CALD1: variants seen among roughly 807,000 people sequenced by gnomAD.
CALD1 encodes the protein caldesmon.
Under a neutral mutation model 99.9 loss-of-function variants are expected in CALD1, and 33 were observed. The ratio of observed to expected loss-of-function variants is 0.33; its 90% confidence interval spans 0.25 to 0.44. CALD1 has a LOEUF of 0.44. Among genes scored for constraint, CALD1 ranks in the 20% least tolerant of loss-of-function variants. CALD1 has a pLI of 1.00. For synonymous variants in CALD1, 310 were observed against 325.0 expected (o/e 0.95, Z 0.50); for missense variants, 861 against 962.1 (o/e 0.89, Z 1.39).
intron 1 of CALD1, among the ~76,000 whole-genome samples, chr7:134,784,251 G>C (rs1416246209): frequency 6.6e-6 from 1 of 152,158 alleles, no homozygotes; most frequent in African/African-American, 2.4e-5. Context: ...ATCTCACTTG[G>C]AGAGAAACAT....
intron 7 of CALD1, among the ~76,000 whole-genome samples, chr7:134,946,495 C>T (rs1806880141): frequency 6.6e-6 from 1 of 152,186 alleles, no homozygotes; most frequent in Non-Finnish European, 1.5e-5. Context: ...CTACCGCCCA[C>T]CCTCTGCCTC....
chr7:134,849,672 T>A lies in CALD1; in HGVS notation c.-42+5701T>A, dbSNP rs554164703. ...AATCTATGGATGCAGAACCCATGGA[T>A]ATGGAGAGCTGATAGTAATTGAATT... On this transcript the variant is annotated intron_variant, in intron 2 of 14. Coordinates refer to ENST00000361675, the MANE Select transcript of CALD1 (RefSeq NM_033138.4). Among the ~76,000 whole-genome samples, 13 of 152,268 alleles carry A rather than the reference T, an allele frequency of 8.5e-5. No homozygotes were observed. In the South Asian group the frequency reaches 1.7e-3, roughly 19 times the overall value.
intron 3 of CALD1, among the ~76,000 whole-genome samples, chr7:134,924,365 G>T (rs967384454): frequency 6.6e-6 from 1 of 152,010 alleles, no homozygotes; most frequent in Admixed American, 6.5e-5. Context: ...ACAATTCAGG[G>T]TACTTTTTTT....
At chr7:134,767,314 C>G (rs1256939601) in intron 1 of CALD1, among the ~76,000 whole-genome samples, 2 of 151,926 alleles carry the variant, frequency 1.3e-5, no homozygotes, top group East Asian at 1.9e-4. Flanking sequence ...GTCCAAACAG[C>G]CATTTCTCCC....
At chr7:134,904,218 G>A (rs754147143) in intron 3 of CALD1, among the ~76,000 whole-genome samples, 9 of 151,864 alleles carry the variant, frequency 5.9e-5, no homozygotes, top group South Asian at 2.1e-4. Context: ...GCAAGACACC[G>A]TCTCAAAATA....
Position 134,898,073 on chromosome 7 carries a change from C to T in CALD1, c.71+30269C>T, listed in dbSNP as rs574727185. Among the ~76,000 whole-genome samples, 14 of 151,938 alleles carry T rather than the reference C, an allele frequency of 9.2e-5. No individual in the cohort carries two copies. The South Asian group carries it at 1.0e-3, about 11-fold the overall frequency. ...CCGAGAAGCTGGGATTACAGGCGCC[C>T]GCCACCATGCCTGGCTAGCCTGGGG... On this transcript the variant is annotated intron_variant, in intron 3 of 14. Coordinates refer to ENST00000361675, the MANE Select transcript of CALD1 (RefSeq NM_033138.4).
intron 1 of CALD1, among the ~76,000 whole-genome samples, chr7:134,787,032 C>G (rs1207813960): frequency 5.3e-5 from 8 of 152,184 alleles, no homozygotes; most frequent in Non-Finnish European, 1.0e-4. Flanking sequence ...GGCTCAGAAA[C>G]AGTTCTGTGC....
intron 3 of CALD1, among the ~76,000 whole-genome samples, chr7:134,928,321 C>T (rs542843616): frequency 2.0e-5 from 3 of 149,464 alleles, no homozygotes; most frequent in African/African-American, 7.4e-5. Flanking sequence ...CCCAGCTGCT[C>T]GGGAGGCTGA....
At chr7:134,940,729 T>G (rs1223635580) in intron 6 of CALD1, among the ~76,000 whole-genome samples, 3 of 152,238 alleles carry the variant, frequency 2.0e-5, no homozygotes, top group African/African-American at 7.2e-5. Flanking sequence ...CATTCTTCCA[T>G]CAAAGCCATC....
intron 8 of CALD1, chr7:134,948,182 C>A: frequency 6.5e-6 from 1 of 154,404 alleles, no homozygotes; most frequent in Non-Finnish European, 1.4e-5. Flanking sequence ...TTATGGTTTT[C>A]TAATAGTTGG....
At chr7:134,724,391 A>T in the CALD1 span, among the ~76,000 whole-genome samples, 96,487 of 151,974 alleles carry the variant, frequency 0.63, 31,088 homozygotes, top group East Asian at 0.89. Context: ...GAAAGGCATC[A>T]CTGAGGGGAG....
rs1170084945 is a variant in CALD1 at position 134,828,813 on chromosome 7, G to C, written c.-129-15071G>C. Among the ~76,000 whole-genome samples the C allele has an allele frequency of 3.3e-5, 5 of 152,272 alleles. No individual in the cohort carries two copies. The East Asian group carries it at 9.6e-4, about 29-fold the overall frequency. On this transcript the variant is annotated intron_variant, in intron 1 of 14. Coordinates refer to ENST00000361675, the MANE Select transcript of CALD1 (RefSeq NM_033138.4). Reference sequence around the variant, plus strand: ...TTTTAGGTCTGCCCCTGGTTGCTCTGATACAGTTATCTGCTTTTCATTTAG... The same window carrying C: ...TTTTAGGTCTGCCCCTGGTTGCTCTCATACAGTTATCTGCTTTTCATTTAG...
chr7:134,930,102 G>C (rs769359658), intron 4 of CALD1, among the ~76,000 whole-genome samples: 3 of 152,036 alleles, frequency 2.0e-5, no homozygotes, highest in Non-Finnish European at 2.9e-5. Flanking sequence ...TATTCAACAA[G>C]ATACAGAATT....
intron 1 of CALD1, among the ~76,000 whole-genome samples, chr7:134,785,394 A>C (rs972462146): frequency 6.6e-6 from 1 of 152,236 alleles, no homozygotes; most frequent in Non-Finnish European, 1.5e-5. Context: ...TTCAAATGAA[A>C]GCAGTCTTGA....
intron 3 of CALD1, among the ~76,000 whole-genome samples, chr7:134,887,804 GTA>G (rs10559708): frequency 0.16 from 23,436 of 148,768 alleles, 2,612 homozygotes; most frequent in African/African-American, 0.33. Context: ...GTGCGCATGT[GTA>G]TGTGTGTGCA....
At chr7:134,929,487 T>C (rs904243589) in intron 4 of CALD1, among the ~76,000 whole-genome samples, 18 of 150,542 alleles carry the variant, frequency 1.2e-4, no homozygotes, top group African/African-American at 4.4e-4. Flanking sequence ...AGTGAGAACA[T>C]TTGATATTTG....
At chr7:134,857,587 CTAAATA>C (rs1281062844) in intron 2 of CALD1, among the ~76,000 whole-genome samples, 1 of 152,008 alleles carries the variant, frequency 6.6e-6, no homozygotes, top group African/African-American at 2.4e-5. Context: ...AAATTACTAT[CTAAATA>C]TAAAGAAAGA....
chr7:134,785,840 T>A (rs1797283782), intron 1 of CALD1, among the ~76,000 whole-genome samples: 1 of 152,218 alleles, frequency 6.6e-6, no homozygotes, highest in African/African-American at 2.4e-5. Flanking sequence ...TATATGAACA[T>A]GGGAGAAGGC....
chr7:134,880,780 T>A lies in CALD1; in HGVS notation c.71+12976T>A, dbSNP rs144149922. On this transcript the variant is annotated intron_variant, in intron 3 of 14. Transcript: ENST00000361675. ...GACACCTGTCTTTCCTGCTACTACC[T>A]TTTAAGATCCTTTAACTCTTCCTAT... 1.7e-3 allele frequency among the ~76,000 whole-genome samples: 265 copies of A among 152,340 alleles called. 2 individuals are homozygous for A. Among genetic ancestry groups the A allele is most frequent in the African/African-American group, 6.0e-3 (248 of 41,576 alleles).
Sources: allele counts gnomAD v4.1 joint callset (sites outside exome capture counted in the v4.1 genomes callset), GRCh38; gene constraint gnomAD v4.1.1; transcripts MANE v1.5; gene names NCBI Gene and HGNC (gene_info 2026-07-23, HGNC 2026-07-21).